ACOXL: variants seen among roughly 807,000 people sequenced by gnomAD.
The protein encoded by ACOXL is acyl-coenzyme A oxidase-like protein.
Under a neutral mutation model 71.9 loss-of-function variants are expected in ACOXL, and 70 were observed. The observed-to-expected ratio is 0.97, with a 90% CI of 0.80 to 1.19. The LOEUF is 1.19. ACOXL is among the 50% of genes most tolerant of loss of function. ACOXL has a pLI of 0.00. For missense variants in ACOXL, 703 were observed against 736.3 expected, an observed-to-expected ratio of 0.95 and a Z score of 0.52; for synonymous variants, 253 against 281.6, an observed-to-expected ratio of 0.90 and a Z score of 1.02.
At chr2:111,032,518 G>A (rs977888878) in intron 15 of ACOXL, among the ~76,000 whole-genome samples, 35 of 152,138 alleles carry the variant, frequency 2.3e-4, no homozygotes, top group Admixed American at 2.2e-3. Context: ...TTCAAGAATC[G>A]TCAGTTTGTT....
chr2:110,992,474 G>C (rs2063214861), intron 13 of ACOXL, among the ~76,000 whole-genome samples: 1 of 152,208 alleles, frequency 6.6e-6, no homozygotes, highest in African/African-American at 2.4e-5. Context: ...ACAGCCCTGA[G>C]AAAGGTACTC....
intron 17 of ACOXL, among the ~76,000 whole-genome samples, chr2:111,117,325 C>T (rs1056318464): frequency 6.6e-6 from 1 of 152,214 alleles, no homozygotes; most frequent in Non-Finnish European, 1.5e-5. Context: ...ACCTTGGTCT[C>T]GAGTTCCCGG....
chr2:111,070,877 T>G (rs2067310209), intron 16 of ACOXL, among the ~76,000 whole-genome samples: 2 of 152,128 alleles, frequency 1.3e-5, no homozygotes, highest in Admixed American at 6.5e-5. Flanking sequence ...GCCTGTATGT[T>G]TGATCCATTT....
At chr2:110,839,961 A>T (rs567678352) in intron 9 of ACOXL, among the ~76,000 whole-genome samples, 22 of 68,318 alleles carry the variant, frequency 3.2e-4, no homozygotes, top group African/African-American at 7.3e-4. Flanking sequence ...TGATATTCAG[A>T]TGATGCTTAG....
intron 12 of ACOXL, among the ~76,000 whole-genome samples, chr2:110,951,990 T>C (rs1025032611): frequency 5.3e-5 from 8 of 152,236 alleles, no homozygotes; most frequent in African/African-American, 1.7e-4. Context: ...GCTACATCAC[T>C]CTCATTAAAT....
intron 1 of ACOXL, among the ~76,000 whole-genome samples, chr2:110,761,099 T>C (rs1680343959): frequency 1.3e-5 from 2 of 152,236 alleles, no homozygotes; most frequent in Non-Finnish European, 2.9e-5. Flanking sequence ...CTCTCATAAT[T>C]GCATTGGCAA....
At chr2:111,014,440 C>G (rs963679345) in intron 14 of ACOXL, among the ~76,000 whole-genome samples, 5 of 152,146 alleles carry the variant, frequency 3.3e-5, no homozygotes, top group African/African-American at 9.7e-5. Flanking sequence ...TATCTGTACA[C>G]TAAAGACTAC....
At chr2:110,802,976 A>G (rs1686181149) in intron 8 of ACOXL, among the ~76,000 whole-genome samples, 1 of 152,212 alleles carries the variant, frequency 6.6e-6, no homozygotes, top group African/African-American at 2.4e-5. Context: ...TCAAAACATC[A>G]CACTGTATTC....
intron 17 of ACOXL, chr2:111,093,378 A>G (rs1245351591): frequency 1.4e-6 from 2 of 1,447,166 alleles, no homozygotes; most frequent in Non-Finnish European, 1.9e-6. Context: ...GAGCACCTGA[A>G]AAAGAAGGTG....
At chr2:110,757,547 A>G (rs1342090263) in intron 1 of ACOXL, among the ~76,000 whole-genome samples, 1 of 152,014 alleles carries the variant, frequency 6.6e-6, no homozygotes, top group Admixed American at 6.6e-5. Context: ...GTTCTCCGCA[A>G]CCTCGCCGGC....
At chr2:110,963,681 A>G (rs1375315718) in intron 12 of ACOXL, 8 of 1,613,908 alleles carry the variant, frequency 5.0e-6, no homozygotes, top group Non-Finnish European at 6.8e-6. Flanking sequence ...TGTGTTTGCC[A>G]CTTTTGAAGG....
chr2:111,021,009 G>A (rs1011546710), intron 14 of ACOXL, among the ~76,000 whole-genome samples: 1 of 152,166 alleles, frequency 6.6e-6, no homozygotes, highest in Non-Finnish European at 1.5e-5. Flanking sequence ...GTTTTTCTAG[G>A]AAAATGTGTT....
intron 11 of ACOXL, among the ~76,000 whole-genome samples, chr2:110,921,610 G>C (rs1380359775): frequency 1.3e-5 from 2 of 151,832 alleles, no homozygotes; most frequent in East Asian, 3.9e-4. Flanking sequence ...AGCCAGGATG[G>C]TCTCAATCTC....
intron 10 of ACOXL, among the ~76,000 whole-genome samples, chr2:110,884,433 C>T (rs1697053017): frequency 6.6e-6 from 1 of 152,074 alleles, no homozygotes; most frequent in Admixed American, 6.5e-5. Context: ...TTTTGTTTTT[C>T]CAGTGCCTTT....
At chr2:110,769,824 A>C (rs1379920408) in intron 2 of ACOXL, among the ~76,000 whole-genome samples, 3 of 150,646 alleles carry the variant, frequency 2.0e-5, no homozygotes, top group African/African-American at 7.4e-5. Flanking sequence ...ACAAAGCGAG[A>C]CTCTGTCTCA....
intron 12 of ACOXL, among the ~76,000 whole-genome samples, chr2:110,965,133 C>A (rs537611489): frequency 6.6e-6 from 1 of 152,256 alleles, no homozygotes; most frequent in East Asian, 1.9e-4. Context: ...CAGTTCCATT[C>A]ATGTAGCTGC....
chr2:111,060,949 C>G (rs552013978), intron 16 of ACOXL, among the ~76,000 whole-genome samples: 23 of 152,020 alleles, frequency 1.5e-4, no homozygotes, highest in Non-Finnish European at 2.1e-4. Context: ...CTGGAAGATA[C>G]AATAGAAATG....
In ACOXL at chr2:111,092,917, T is replaced by C. The variant is rs761086624; in HGVS notation, c.1493T>C (p.Leu498Ser). The change falls in exon 17 of 18, where the codon TTA (leucine) becomes TCA (serine). Residue 498 changes from leucine (L) to serine (S), a missense_variant. Coordinates refer to ENST00000439055, the MANE Select transcript of ACOXL (RefSeq NM_001142807.4). ...KLVFQERAWY[L>S]EHKYLTPMAS... ...GTGTTTCAGGAGCGGGCCTGGTATTTAGAACATAAATACTTGACTCCCATG... is the reference window on the plus strand; with the variant it reads ...GTGTTTCAGGAGCGGGCCTGGTATTCAGAACATAAATACTTGACTCCCATG... The C allele has an allele frequency of 5.0e-6, 8 of 1,613,922 alleles. No homozygotes were observed. Among genetic ancestry groups the C allele is most frequent in the East Asian group, 2.2e-5 (1 of 44,882 alleles).
intron 2 of ACOXL, among the ~76,000 whole-genome samples, chr2:110,780,657 A>G (rs949621098): frequency 6.6e-6 from 1 of 152,202 alleles, no homozygotes; most frequent in Non-Finnish European, 1.5e-5. Context: ...TGCATGGAAG[A>G]AGGCAGACCC....
Sources: gnomAD v4.1 joint callset for allele counts (sites outside exome capture counted in the v4.1 genomes callset) on GRCh38, gnomAD v4.1.1 for gene constraint, MANE v1.5 for transcripts, NCBI Gene and HGNC (gene_info 2026-07-23, HGNC 2026-07-21) for gene names.